The following RP1 variants were observed in gnomAD, a reference collection of about 807,000 sequenced individuals.
The protein encoded by RP1 is RP1 axonemal microtubule associated.
Under a neutral mutation model 14.8 loss-of-function variants are expected in RP1, and 16 were observed. That is an observed-to-expected ratio of 1.08 (90% CI 0.73 to 1.65). The LOEUF (loss-of-function observed/expected upper bound fraction) is 1.65. Ranked by LOEUF, RP1 falls within the 40% of genes most tolerant of loss-of-function variation. The pLI is 0.00. For missense variants in RP1, 2,631 were observed against 2,535.0 expected (o/e 1.04, Z -0.81); for synonymous variants, 876 against 883.6 (o/e 0.99, Z 0.15).
intron 15 of RP1, among the ~76,000 whole-genome samples, chr8:54,712,899 GA>G (rs1204986434): frequency 6.6e-6 from 1 of 152,138 alleles, no homozygotes; most frequent in East Asian, 1.9e-4. Flanking sequence ...CTTGAAAACA[GA>G]ATGAAAACAG....
At chr8:54,746,395 T>C (rs898795338) in intron 19 of RP1, among the ~76,000 whole-genome samples, 1 of 152,170 alleles carries the variant, frequency 6.6e-6, no homozygotes, top group East Asian at 1.9e-4. Context: ...TTTAGAGGCC[T>C]TTGTGAAGGT....
intron 3 of RP1, chr8:54,648,952 C>T: frequency 2.1e-6 from 3 of 1,445,932 alleles, no homozygotes; most frequent in Non-Finnish European, 2.7e-6. Context: ...CTATCAGTTG[C>T]CATAATGCTG....
chr8:54,778,370 G>A (rs1255196513), intron 23 of RP1, among the ~76,000 whole-genome samples: 1 of 147,070 alleles, frequency 6.8e-6, no homozygotes, highest in Admixed American at 6.9e-5. Flanking sequence ...TGTTGCCCAG[G>A]CTGGAGTGCA....
intron 1 of RP1, among the ~76,000 whole-genome samples, chr8:54,620,673 C>T (rs1805834198): frequency 6.6e-6 from 1 of 152,110 alleles, no homozygotes; most frequent in Non-Finnish European, 1.5e-5. Context: ...CATAGTTTTC[C>T]ATTGCATGGG....
At chr8:54,692,042 C>T (rs2129339722) in intron 12 of RP1, among the ~76,000 whole-genome samples, 1 of 151,986 alleles carries the variant, frequency 6.6e-6, no homozygotes, top group East Asian at 2.0e-4. Context: ...GTTCAATTCC[C>T]ACCTATGAGT....
At chr8:54,571,071 T>C (rs1804509301) in intron 1 of RP1, among the ~76,000 whole-genome samples, 1 of 152,288 alleles carries the variant, frequency 6.6e-6, no homozygotes, top group Admixed American at 6.5e-5. Flanking sequence ...TTCTCCCCCT[T>C]CTGCCTGTCT....
chr8:54,793,927 A>C (rs1810523866), intron 24 of RP1, among the ~76,000 whole-genome samples: 1 of 151,914 alleles, frequency 6.6e-6, no homozygotes, highest in Admixed American at 6.6e-5. Context: ...AATTCTAAAA[A>C]TTCCACCAAA....
chr8:54,838,298 C>G (rs1047261986), intron 25 of RP1, among the ~76,000 whole-genome samples: 2 of 152,194 alleles, frequency 1.3e-5, no homozygotes, highest in African/African-American at 2.4e-5. Context: ...AGCAAACTCA[C>G]CCAATGTCTT....
intron 12 of RP1, among the ~76,000 whole-genome samples, chr8:54,688,584 T>G (rs946191207): frequency 9.9e-5 from 15 of 152,254 alleles, no homozygotes; most frequent in South Asian, 2.1e-4. Context: ...TTTCCCCATT[T>G]CTTGTTTCTG....
chr8:54,739,044 TA>T (rs1484877475), intron 19 of RP1: 6 of 1,510,982 alleles, frequency 4.0e-6, no homozygotes, highest in Non-Finnish European at 3.5e-6. Context: ...TCATGTCACT[TA>T]TTTTTTTCTT....
chr8:54,834,467 C>A (rs1385931897), intron 24 of RP1, among the ~76,000 whole-genome samples: 1 of 151,822 alleles, frequency 6.6e-6, no homozygotes, highest in Non-Finnish European at 1.5e-5. Context: ...AAACCAAGGA[C>A]CCCTGTTTAG....
At chr8:54,616,331 G>A (rs577550482) in intron 1 of RP1, 129 bp downstream of exon 1, 1 of 152,222 alleles carries the variant, frequency 6.6e-6, no homozygotes, top group African/African-American at 2.4e-5. Context: ...AAGCATAAAT[G>A]TTATTAATAA....
chr8:54,825,923 C>A (rs1372012203), intron 24 of RP1, among the ~76,000 whole-genome samples: 2 of 151,756 alleles, frequency 1.3e-5, no homozygotes, highest in African/African-American at 4.8e-5. Flanking sequence ...AAAAAATCAG[C>A]CTGGTGCAAT....
chr8:54,659,917 A>T (rs1393676985), intron 6 of RP1, among the ~76,000 whole-genome samples: 3 of 152,058 alleles, frequency 2.0e-5, no homozygotes, highest in Admixed American at 2.0e-4. Flanking sequence ...TTCACTGTAC[A>T]TATCTTTTGC....
chr8:54,778,189 G>A (rs1015791202), intron 23 of RP1, among the ~76,000 whole-genome samples: 1 of 152,126 alleles, frequency 6.6e-6, no homozygotes, highest in Non-Finnish European at 1.5e-5. Flanking sequence ...AATCTGGGTG[G>A]AGAGTGTCCT....
Position 54,799,152 on chromosome 8 carries a change from T to C in RP1, c.3615+15442T>C, listed in dbSNP as rs562531410. Among the ~76,000 whole-genome samples the C allele has an allele frequency of 2.6e-5, 4 of 152,174 alleles. No individual in the cohort carries two copies. In the South Asian group the frequency reaches 8.3e-4, roughly 32 times the overall value. On this transcript the variant is annotated intron_variant, in intron 24 of 28. Transcript: ENST00000637698. Reference sequence around the variant, plus strand: ...AAATCTTGAAATATCTTGGTGATGTTATTTGCTATTATAATATAAAAGTAA... The same window carrying C: ...AAATCTTGAAATATCTTGGTGATGTCATTTGCTATTATAATATAAAAGTAA...
Position 54,621,495 on chromosome 8 carries a change from A to T in RP1, c.529A>T (p.Thr177Ser). 6.2e-7 allele frequency: 1 copy of T among 1,614,064 alleles called. No individual in the cohort carries two copies. The highest frequency in any genetic ancestry group is 8.5e-7 in the Non-Finnish European group (1 of 1,180,024). Residue 177 changes from threonine to serine, a missense_variant, in exon 2 of 4, where the codon ACC (threonine) becomes TCC (serine). By Grantham distance (58) the Thr-to-Ser change is moderately conservative (BLOSUM62 1). Transcript: ENST00000220676. ...TGCGGTTCTTCTGAGCAGGAGGGTC[A>T]CCCAGAGCTTCGAGGCATTTCTACA... ...RRAVLLSRRV[T>S]QSFEAFLQHL...
chr8:54,615,000 C>T (rs1014026281), upstream of RP1, among the ~76,000 whole-genome samples: 1 of 152,128 alleles, frequency 6.6e-6, no homozygotes, highest in Non-Finnish European at 1.5e-5. Flanking sequence ...TGAATTTGTA[C>T]TTCAATTTGG....
chr8:54,865,113 T>A, intron 27 of RP1, among the ~76,000 whole-genome samples: 1 of 152,162 alleles, frequency 6.6e-6, no homozygotes, highest in East Asian at 1.9e-4. Flanking sequence ...CAATTCAACA[T>A]TGTAACTTTT....
Sources: allele counts gnomAD v4.1 joint callset (sites outside exome capture counted in the v4.1 genomes callset), GRCh38; gene constraint gnomAD v4.1.1; transcripts MANE v1.5; gene names NCBI Gene and HGNC (gene_info 2026-07-23, HGNC 2026-07-21).